Variants in SDR16C5 observed in about 807,000 individuals in gnomAD.
The protein encoded by SDR16C5 is short chain dehydrogenase/reductase family 16C member 5.
A neutral mutation model predicts 27.7 loss-of-function variants in SDR16C5; 20 were observed. That is an observed-to-expected ratio of 0.72 (90% confidence interval 0.51 to 1.05). The LOEUF is 1.05. Ranked by LOEUF, SDR16C5 falls within the 50% of genes least tolerant of loss-of-function variation. SDR16C5 has a pLI of 0.00. For synonymous variants in SDR16C5, 139 were observed against 132.3 expected (o/e 1.05, Z -0.35); for missense variants, 374 against 366.3 (o/e 1.02, Z -0.17).
At chr8:56,311,114 C>T (rs746868825) in intron 3 of SDR16C5, among the ~76,000 whole-genome samples, 6 of 152,280 alleles carry the variant, frequency 3.9e-5, no homozygotes, top group East Asian at 1.9e-4. Context: ...CCAGGAATGA[C>T]GAGCTACGAG....
In SDR16C5 at chr8:56,306,715, A is replaced by G. The variant is rs1203653280; in HGVS notation, c.671T>C (p.Phe224Ser). Residue 224 changes from phenylalanine to serine, a missense_variant, in exon 5 of 7, where the codon TTT becomes TCT. By Grantham distance (155) the Phe-to-Ser change is radical. Transcript: ENST00000303749. ...TTCAAACATTCCAGTTTTTATAAAA[A>G]AGGGGCACACAATCGTGGTTTTGAT... ...KGIKTTIVCP[F>S]FIKTGMFEGC... 1.2e-6 allele frequency: 2 copies of G among 1,613,766 alleles called. No homozygotes were observed. The highest frequency in any genetic ancestry group is 2.2e-5 in the East Asian group (1 of 44,874).
Position 56,316,055 on chromosome 8 carries a change from T to G in SDR16C5, c.293A>C (p.Asp98Ala). 6.2e-7 allele frequency: 1 copy of G among 1,614,164 alleles called. No homozygotes were observed. The highest frequency in any genetic ancestry group is 8.5e-7 in the Non-Finnish European group (1 of 1,180,000). ...GATRVHAYTC[D>A]CSQKEGVYRV... ...ATACACTCCTTCCTTTTGGCTGCAA[T>G]CGCAGGTATAGGCGTGCACTCTTGT... is the stretch of plus-strand genomic sequence containing the variant. Residue 98 changes from aspartate (D) to alanine (A), a missense_variant, in exon 2 of 7, where the codon GAT becomes GCT. Transcript: ENST00000303749.
At chr8:56,312,072 T>C (rs977089564) in intron 3 of SDR16C5, 85 bp downstream of exon 3, 13 of 1,187,606 alleles carry the variant, frequency 1.1e-5, no homozygotes, top group African/African-American at 4.6e-5. Flanking sequence ...ACTTAGAGGC[T>C]AATAATATTG....
At chr8:56,310,796 C>T (rs1482036092) in intron 3 of SDR16C5, among the ~76,000 whole-genome samples, 1 of 151,452 alleles carries the variant, frequency 6.6e-6, no homozygotes, top group African/African-American at 2.4e-5. Context: ...TTCATTCTGA[C>T]TATATATGAG....
intron 6 of SDR16C5, among the ~76,000 whole-genome samples, chr8:56,304,553 T>C (rs1023971807): frequency 6.6e-6 from 1 of 152,122 alleles, no homozygotes; most frequent in Non-Finnish European, 1.5e-5. Context: ...TTTTTTTTTT[T>C]TGAGACGGAG....
rs371949814 is a variant in SDR16C5, at chr8:56,316,166, G to A, written c.182C>T (p.Ala61Val). Residue 61 changes from alanine (A) to valine (V), a missense_variant, in exon 2 of 7, where the codon GCC becomes GTC. Physicochemically the swap from Ala to Val is moderately conservative, Grantham distance 64 (BLOSUM62 0). Transcript: ENST00000303749. The part of the protein sequence containing the change: ...GLGRLLALQF[A>V]RLGSVLVLWD... ...GAGAACAAGAACAGATCCCAGCCGG[G>A]CAAACTGCAAGGCTAAGAGCCTTCC... 71 of 1,613,942 alleles carry A rather than the reference G, an allele frequency of 4.4e-5. No individual in the cohort carries two copies. The highest frequency in any genetic ancestry group is 4.8e-5 in the Non-Finnish European group (57 of 1,179,990).
chr8:56,301,551 G>A lies in SDR16C5; in HGVS notation c.859C>T (p.Leu287=), dbSNP rs1814755310. 3.1e-6 allele frequency: 5 copies of A among 1,613,904 alleles called. No individual in the cohort carries two copies. The highest frequency in any genetic ancestry group is 1.7e-5 in the Admixed American group (1 of 59,996). Residue 287 remains leucine (L), a synonymous_variant, in exon 7 of 7, where the codon CTG becomes TTG. Transcript: ENST00000303749. ...ATGCCCAAATAGTCAGCTATAAGCA[G>A]TCCTGTCTTGAGGGGCAAAAAGCTA... is the stretch of plus-strand genomic sequence containing the variant. ...LKSFLPLKTG[L]LIADYLGILH...
chr8:56,316,111 T>C lies in SDR16C5; in HGVS notation c.237A>G (p.Glu79=). 1 of 1,614,114 alleles carries C rather than the reference T, an allele frequency of 6.2e-7. No homozygotes were observed. The highest frequency in any genetic ancestry group is 8.5e-7 in the Non-Finnish European group (1 of 1,179,986). The change falls in exon 2 of 7, where the codon GAA becomes GAG. Residue 79 remains glutamate, a synonymous_variant. Transcript: ENST00000303749. The stretch of plus-strand genomic sequence containing the variant: ...CAGCTTCCCGAGCCATCTTACATGT[T>C]TCCTCATTCCCCTCCTTATTGATAT... ...LWDINKEGNE[E]TCKMAREAGA... is the part of the protein sequence containing the mutation.
chr8:56,319,409 T>C (rs1815277167), intron 1 of SDR16C5, among the ~76,000 whole-genome samples: 1 of 152,254 alleles, frequency 6.6e-6, no homozygotes, highest in Admixed American at 6.5e-5. Context: ...CAATTAAATA[T>C]GGTTATAGTA....
chr8:56,300,356 G>A lies in SDR16C5; in HGVS notation c.*1124C>T, dbSNP rs565019354. 2.0e-5 allele frequency: 3 copies of A among 151,900 alleles called. No homozygotes were observed. Among genetic ancestry groups the A allele is most frequent in the South Asian group, 4.2e-4 (2 of 4,778 alleles). 9.4% of individuals were successfully genotyped at this position (151,900 alleles called of 1,614,324 possible). On this transcript the variant is annotated 3_prime_UTR_variant, in exon 7 of 7. Coordinates refer to ENST00000303749, the MANE Select transcript of SDR16C5 (RefSeq NM_138969.4). ...ATTCTCAATTCTTTAGACTTTTACC[G>A]GGTCTCCCAAGGTACCGCTCATCCC...
intron 2 of SDR16C5, among the ~76,000 whole-genome samples, chr8:56,314,295 C>T: frequency 6.6e-6 from 1 of 152,042 alleles, no homozygotes; most frequent in Non-Finnish European, 1.5e-5. Context: ...ATTTCCTTCC[C>T]CTGAATTCAG....
At position 56,312,239 on chromosome 8, in the gene SDR16C5, A is replaced by G. The variant is rs766992121; in HGVS notation, c.383T>C (p.Ile128Thr). Residue 128 changes from isoleucine to threonine, a missense_variant, in exon 3 of 7, where the codon ATC (isoleucine) becomes ACC (threonine). Physicochemically the swap from Ile to Thr is moderately conservative, Grantham distance 89. Transcript: ENST00000303749. ...DVSILINNAG[I>T]VTGKKFLDCP... ...GTCAAGGAACTTTTTGCCTGTTACGATTCCGGCATTGTTGATTAGGATGGA... is the reference window on the plus strand; with the variant it reads ...GTCAAGGAACTTTTTGCCTGTTACGGTTCCGGCATTGTTGATTAGGATGGA... The G allele has an allele frequency of 1.9e-6, 3 of 1,613,566 alleles. No homozygotes were observed. The highest frequency in any genetic ancestry group is 2.5e-6 in the Non-Finnish European group (3 of 1,179,564).
In SDR16C5 at chr8:56,317,564, A is replaced by T. The variant is rs150463369; in HGVS notation, c.-14-1203T>A. Among the ~76,000 whole-genome samples, 17 of 152,280 alleles carry T rather than the reference A, an allele frequency of 1.1e-4. No individual in the cohort carries two copies. The East Asian group carries it at 3.3e-3, about 29-fold the overall frequency. On this transcript the variant is annotated intron_variant, in intron 1 of 6. Transcript: ENST00000303749. ...CTCAGACAAAGGCACAGGTGTGAGGAGACAGGAGGGGAGTAATGAAAAAAG... is the reference window on the plus strand; with the variant it reads ...CTCAGACAAAGGCACAGGTGTGAGGTGACAGGAGGGGAGTAATGAAAAAAG...
Position 56,316,072 on chromosome 8 carries a change from C to T in SDR16C5, c.276G>A (p.Val92=). 2 of 1,614,128 alleles carry T rather than the reference C, an allele frequency of 1.2e-6. No individual in the cohort carries two copies. The highest frequency in any genetic ancestry group is 4.5e-5 in the East Asian group (2 of 44,874). The part of the protein sequence containing the change: ...KMAREAGATR[V]HAYTCDCSQK... Reference sequence around the variant, plus strand: ...GGCTGCAATCGCAGGTATAGGCGTGCACTCTTGTGGCTCCAGCTTCCCGAG... The same window carrying T: ...GGCTGCAATCGCAGGTATAGGCGTGTACTCTTGTGGCTCCAGCTTCCCGAG... The change falls in exon 2 of 7, where the codon GTG becomes GTA. Residue 92 remains valine (V), a synonymous_variant. Coordinates refer to ENST00000303749, the MANE Select transcript of SDR16C5 (RefSeq NM_138969.4).
chr8:56,303,372 A>G (rs1005105636), intron 6 of SDR16C5, among the ~76,000 whole-genome samples: 1 of 150,550 alleles, frequency 6.6e-6, no homozygotes, highest in Non-Finnish European at 1.5e-5. Context: ...TCTACCTCCC[A>G]CTGTGGGGTT....
At chr8:56,304,177 A>G in intron 6 of SDR16C5, 1 of 657,330 alleles carries the variant, frequency 1.5e-6, no homozygotes, top group South Asian at 1.7e-5. Context: ...TGTACACAGG[A>G]TGGACAATGG....
chr8:56,301,586 C>T lies in SDR16C5; in HGVS notation c.837-13G>A, dbSNP rs1157396069. 6.3e-7 allele frequency: 1 copy of T among 1,580,292 alleles called. No individual in the cohort carries two copies. The highest frequency in any genetic ancestry group is 2.2e-5 in the East Asian group (1 of 44,680). ...GAGGGGCAAAAAGCTAAAGAGAACACAAGAATAAACTTTCTTTATTATCAT... is the reference window on the plus strand; with the variant it reads ...GAGGGGCAAAAAGCTAAAGAGAACATAAGAATAAACTTTCTTTATTATCAT... On this transcript the variant is annotated splice_polypyrimidine_tract_variant and intron_variant, in intron 6 of 6. Transcript: ENST00000303749.
At position 56,316,069 on chromosome 8, in the gene SDR16C5, G is replaced by A. The variant is rs148359944; in HGVS notation, c.279C>T (p.His93=). The A allele has an allele frequency of 2.8e-5, 45 of 1,613,956 alleles. No individual in the cohort carries two copies. Among genetic ancestry groups the A allele is most frequent in the Middle Eastern group, 3.3e-4 (2 of 6,084 alleles). Residue 93 remains histidine (H), a synonymous_variant, in exon 2 of 7, where the codon CAC becomes CAT. Transcript: ENST00000303749. ...TTTGGCTGCAATCGCAGGTATAGGC[G>A]TGCACTCTTGTGGCTCCAGCTTCCC... The part of the protein sequence containing the change: ...MAREAGATRV[H]AYTCDCSQKE...
chr8:56,306,932 C>G, intron 4 of SDR16C5, 112 bp from the exon 5 acceptor site: 1 of 941,812 alleles, frequency 1.1e-6, no homozygotes, highest in Non-Finnish European at 1.5e-6. Flanking sequence ...TCAGAGTTCT[C>G]CTTTTGTGTA....
Sources: gnomAD v4.1 joint callset for allele counts (sites outside exome capture counted in the v4.1 genomes callset) on GRCh38, gnomAD v4.1.1 for gene constraint, MANE v1.5 for transcripts, NCBI Gene and HGNC (gene_info 2026-07-23, HGNC 2026-07-21) for gene names.